KCNIP4: variants seen among roughly 807,000 people sequenced by gnomAD.
KCNIP4 encodes potassium voltage-gated channel interacting protein 4, also known as Kv channel-interacting protein 4.
A neutral mutation model predicts 34.0 loss-of-function variants in KCNIP4; 12 were observed. The ratio of observed to expected loss-of-function variants is 0.35; its 90% CI spans 0.23 to 0.57. The LOEUF (loss-of-function observed/expected upper bound fraction) is 0.57, where lower values mean the gene tolerates loss of function less well. KCNIP4 is among the 20% of genes least tolerant of loss of function. The pLI, the probability that KCNIP4 is intolerant of heterozygous loss-of-function variation, is 0.83. For missense variants in KCNIP4, 238 were observed against 311.7 expected, an observed-to-expected ratio of 0.76 and a Z score of 1.78; for synonymous variants, 124 against 102.2, an observed-to-expected ratio of 1.21 and a Z score of -1.29.
intron 1 of KCNIP4, among the ~76,000 whole-genome samples, chr4:21,197,781 CAT>C (rs1026590086): frequency 5.3e-5 from 8 of 152,050 alleles, no homozygotes; most frequent in African/African-American, 1.9e-4. Context: ...GAAAAATACT[CAT>C]AATAAATAAT....
At chr4:21,332,812 T>C (rs1715792220) in intron 1 of KCNIP4, among the ~76,000 whole-genome samples, 1 of 152,120 alleles carries the variant, frequency 6.6e-6, no homozygotes, top group African/African-American at 2.4e-5. Context: ...TTAAAATGTG[T>C]ACTATATCAT....
intron 3 of KCNIP4, among the ~76,000 whole-genome samples, chr4:20,803,688 G>GGA (rs1178823245): frequency 2.0e-5 from 2 of 100,884 alleles, no homozygotes; most frequent in Non-Finnish European, 3.8e-5. Flanking sequence ...AGAAAGAGAG[G>GGA]GAGAGAGAGA....
chr4:21,363,672 A>G (rs1467703010), intron 1 of KCNIP4, among the ~76,000 whole-genome samples: 2 of 152,296 alleles, frequency 1.3e-5, no homozygotes, highest in East Asian at 3.9e-4. Flanking sequence ...TAATTCAAAG[A>G]TGATGATTTT....
At chr4:20,767,287 C>A (rs1020352327) in intron 3 of KCNIP4, 1 of 151,898 alleles carries the variant, frequency 6.6e-6, no homozygotes, top group African/African-American at 2.4e-5. Flanking sequence ...CAGAATTTAC[C>A]CTAAAAGAAA....
intron 1 of KCNIP4, among the ~76,000 whole-genome samples, chr4:21,528,808 G>C (rs368034389): frequency 7.0e-5 from 2 of 28,554 alleles, no homozygotes; most frequent in African/African-American, 2.9e-4. Flanking sequence ...AGAAAGGAAG[G>C]AAGGAAGGAA....
At chr4:20,984,151 C>A (rs778716751) in intron 1 of KCNIP4, 4 of 587,256 alleles carry the variant, frequency 6.8e-6, no homozygotes, top group Non-Finnish European at 1.1e-5. Context: ...GGCGGGGCTT[C>A]CCCCCTGCTA....
intron 1 of KCNIP4, among the ~76,000 whole-genome samples, chr4:21,307,951 A>G (rs2109263712): frequency 6.6e-6 from 1 of 152,332 alleles, no homozygotes; most frequent in African/African-American, 2.4e-5. Flanking sequence ...ATATCTTAAA[A>G]TCACTGGTGT....
intron 1 of KCNIP4, among the ~76,000 whole-genome samples, chr4:21,761,731 C>T (rs1718070224): frequency 6.6e-6 from 1 of 151,392 alleles, no homozygotes; most frequent in South Asian, 2.1e-4. Context: ...TTTATTTTTT[C>T]CAAATTTACT....
intron 3 of KCNIP4, among the ~76,000 whole-genome samples, chr4:20,824,956 A>G (rs866846437): frequency 1.4e-4 from 22 of 152,252 alleles, no homozygotes; most frequent in Middle Eastern, 3.4e-3. Context: ...AAAATTATTG[A>G]TTTTTGGATC....
At chr4:21,239,449 T>C (rs1287944011) in intron 1 of KCNIP4, among the ~76,000 whole-genome samples, 1 of 151,444 alleles carries the variant, frequency 6.6e-6, no homozygotes, top group Non-Finnish European at 1.5e-5. Context: ...ACCTACAGAA[T>C]GGGAGAAAAT....
chr4:21,677,155 C>A lies in KCNIP4; in HGVS notation c.61+271416G>T, dbSNP rs189110735. Among the ~76,000 whole-genome samples, 269 of 152,126 alleles carry A rather than the reference C, an allele frequency of 1.8e-3. 2 individuals carry two copies. Among genetic ancestry groups the A allele is most frequent in the Middle Eastern group, 0.01 (3 of 294 alleles). On this transcript the variant is annotated intron_variant, in intron 1 of 8. Transcript: ENST00000382152. ...AAATGTGAATTACATAAGTTAAAAT[C>A]CAGATTCTGAGTCCCTCAGACCACT...
chr4:21,407,083 A>C (rs1475047161), intron 1 of KCNIP4, among the ~76,000 whole-genome samples: 4 of 152,146 alleles, frequency 2.6e-5, no homozygotes, highest in African/African-American at 9.7e-5. Flanking sequence ...TATGACCACA[A>C]TGATATATGG....
intron 1 of KCNIP4, among the ~76,000 whole-genome samples, chr4:21,890,955 A>G (rs567166129): frequency 6.6e-6 from 1 of 152,240 alleles, no homozygotes; most frequent in East Asian, 1.9e-4. Flanking sequence ...ACTTGTAAAA[A>G]GCATGCAGTT....
chr4:21,257,932 A>T (rs1761184240), intron 1 of KCNIP4, among the ~76,000 whole-genome samples: 1 of 152,154 alleles, frequency 6.6e-6, no homozygotes, highest in South Asian at 2.1e-4. Context: ...TATGCAAAGT[A>T]GCAAGCCGTT....
Position 20,843,933 on chromosome 4 carries a change from T to C in KCNIP4, c.288+6610A>G, listed in dbSNP as rs545272629. 3.3e-5 allele frequency among the ~76,000 whole-genome samples: 5 copies of C among 152,344 alleles called. No individual in the cohort carries two copies. The East Asian group carries it at 7.7e-4, about 24-fold the overall frequency. On this transcript the variant is annotated intron_variant, in intron 3 of 8. Coordinates refer to ENST00000382152, the MANE Select transcript of KCNIP4 (RefSeq NM_025221.6). ...TTAACATATTTCAAGATGACATTAC[T>C]GAGTCATTATGAATTTTTAATTACA...
intron 1 of KCNIP4, among the ~76,000 whole-genome samples, chr4:21,676,133 T>G (rs1749874079): frequency 6.6e-6 from 1 of 152,210 alleles, no homozygotes; most frequent in Non-Finnish European, 1.5e-5. Flanking sequence ...ACTGTGTCCC[T>G]TTCTAGAGTA....
intron 3 of KCNIP4, among the ~76,000 whole-genome samples, chr4:20,803,702 AAAG>A (rs1714666047): frequency 1.1e-5 from 1 of 95,152 alleles, no homozygotes; most frequent in Non-Finnish European, 2.0e-5. Context: ...AGAGAGAGAG[AAAG>A]AGAGAGAGAG....
At chr4:20,754,044 A>T (rs1419626351) in intron 4 of KCNIP4, among the ~76,000 whole-genome samples, 1 of 152,194 alleles carries the variant, frequency 6.6e-6, no homozygotes. Flanking sequence ...AAAAATGTTT[A>T]GTGAACTAAA....
At chr4:21,904,213 C>G (rs540679059) in intron 1 of KCNIP4, among the ~76,000 whole-genome samples, 43 of 152,246 alleles carry the variant, frequency 2.8e-4, no homozygotes, top group African/African-American at 9.9e-4. Flanking sequence ...CACCTCTTAC[C>G]AAGAGAGCAG....
Sources: gnomAD v4.1 joint callset for allele counts (sites outside exome capture counted in the v4.1 genomes callset) on GRCh38, gnomAD v4.1.1 for gene constraint, MANE v1.5 for transcripts, NCBI Gene and HGNC (gene_info 2026-07-23, HGNC 2026-07-21) for gene names.